The following RORA variants were observed in gnomAD, a reference collection of about 807,000 sequenced individuals.
RORA encodes RAR related orphan receptor A.
In RORA, 7 loss-of-function variants were observed where a neutral mutation model predicts 69.5. The ratio of observed to expected loss-of-function variants is 0.10; its 90% CI spans 0.06 to 0.19. RORA has a LOEUF of 0.19. RORA is among the 10% of genes least tolerant of loss of function. The pLI, the probability that RORA is intolerant of heterozygous loss-of-function variation, is 1.00. For synonymous variants in RORA, 261 were observed against 240.8 expected, an observed-to-expected ratio of 1.08 and a Z score of -0.78; for missense variants, 457 against 663.0, an observed-to-expected ratio of 0.69 and a Z score of 3.41.
At chr15:60,857,860 C>G (rs920081043) in intron 1 of RORA, among the ~76,000 whole-genome samples, 2 of 152,208 alleles carry the variant, frequency 1.3e-5, no homozygotes, top group Non-Finnish European at 1.5e-5. Flanking sequence ...TCTTACAGAT[C>G]ACAGCCAGCC....
chr15:60,763,096 T>TTTTTTTTA lies in RORA; in HGVS notation c.167-84411_167-84410insTAAAAAAA, dbSNP rs375632043. Among the ~76,000 whole-genome samples the TTTTTTTTA allele has an allele frequency of 5.5e-3, 603 of 109,374 alleles. 56 individuals carry two copies. Among genetic ancestry groups the TTTTTTTTA allele is most frequent in the Admixed American group, 0.03 (248 of 8,234 alleles). 71.8% of individuals were successfully genotyped at this position (109,374 alleles called of 152,430 possible). On this transcript the variant is annotated intron_variant, in intron 1 of 10. Coordinates refer to ENST00000335670, the MANE Select transcript of RORA (RefSeq NM_134261.3). The stretch of plus-strand genomic sequence containing the variant: ...TTTTTTTTTTTTTTTTTTTTTTTTT[T>TTTTTTTTA]AACCAACCTACCAAAGCAAAGGCAG...
intron 1 of RORA, among the ~76,000 whole-genome samples, chr15:61,144,291 G>A (rs1015553367): frequency 6.6e-6 from 1 of 152,242 alleles, no homozygotes; most frequent in African/African-American, 2.4e-5. Flanking sequence ...AGCTCGAGCT[G>A]CGATGGCCAT....
At chr15:60,837,840 G>A (rs2073138616) in intron 1 of RORA, among the ~76,000 whole-genome samples, 1 of 152,198 alleles carries the variant, frequency 6.6e-6, no homozygotes, top group Non-Finnish European at 1.5e-5. Flanking sequence ...ACACCTCTGG[G>A]AGCAATTGAG....
chr15:61,174,215 C>T (rs2079608562), intron 1 of RORA, among the ~76,000 whole-genome samples: 1 of 152,204 alleles, frequency 6.6e-6, no homozygotes, highest in Non-Finnish European at 1.5e-5. Context: ...TCTGGAAAGC[C>T]TTCTCTGCTG....
chr15:60,855,788 T>C (rs2073373493), intron 1 of RORA, among the ~76,000 whole-genome samples: 1 of 152,172 alleles, frequency 6.6e-6, no homozygotes, highest in Admixed American at 6.5e-5. Context: ...GGCTAATTTT[T>C]GTATTTTCAG....
intron 1 of RORA, among the ~76,000 whole-genome samples, chr15:60,995,726 G>A (rs1166718279): frequency 6.6e-6 from 1 of 152,172 alleles, no homozygotes; most frequent in East Asian, 1.9e-4. Flanking sequence ...TTCCCTACAA[G>A]ACAGTGAAGG....
chr15:61,106,644 C>T (rs941247315), intron 1 of RORA, among the ~76,000 whole-genome samples: 1 of 152,180 alleles, frequency 6.6e-6, no homozygotes, highest in Non-Finnish European at 1.5e-5. Flanking sequence ...GTCTATTTTT[C>T]ACACTGATTT....
At chr15:61,137,062 A>AGAAAGAAG (rs2079250061) in intron 1 of RORA, among the ~76,000 whole-genome samples, 24 of 149,670 alleles carry the variant, frequency 1.6e-4, no homozygotes, top group African/African-American at 5.3e-4. Flanking sequence ...AAAGAAAGAA[A>AGAAAGAAG]GAAAGAAAGA....
intron 1 of RORA, among the ~76,000 whole-genome samples, chr15:60,883,130 C>CAAAAAAAA (rs60074751): frequency 1.2e-4 from 5 of 43,090 alleles, no homozygotes; most frequent in African/African-American, 2.4e-4. Context: ...GACATCGTCT[C>CAAAAAAAA]AAAAAAAAAA....
Position 61,169,368 on chromosome 15 carries a change from G to A in RORA, c.166+59685C>T, listed in dbSNP as rs901374809. The stretch of plus-strand genomic sequence containing the variant: ...CTGGAGCTTGGCTCTTTGGGGTCCC[G>A]ATGATACCTCTCTGCCTGGTATCCT... On this transcript the variant is annotated intron_variant, in intron 1 of 10. Coordinates refer to ENST00000335670, the MANE Select transcript of RORA (RefSeq NM_134261.3). 4.0e-5 allele frequency among the ~76,000 whole-genome samples: 6 copies of A among 150,224 alleles called. No individual in the cohort carries two copies. In the South Asian group the frequency reaches 6.3e-4, roughly 16 times the overall value.
chr15:60,839,729 A>T (rs896989389), intron 1 of RORA, among the ~76,000 whole-genome samples: 1 of 151,964 alleles, frequency 6.6e-6, no homozygotes, highest in African/African-American at 2.4e-5. Flanking sequence ...ACGGTGAATG[A>T]CTCCCCATGG....
At chr15:61,215,587 C>T (rs1026569713) in intron 1 of RORA, among the ~76,000 whole-genome samples, 2 of 152,174 alleles carry the variant, frequency 1.3e-5, no homozygotes, top group Non-Finnish European at 2.9e-5. Context: ...ATAAGCCAAG[C>T]ATTTTTTTAT....
chr15:60,889,357 G>C (rs117946867), intron 1 of RORA, among the ~76,000 whole-genome samples: 1 of 148,560 alleles, frequency 6.7e-6, no homozygotes, highest in East Asian at 2.0e-4. Flanking sequence ...GGGCGGGGGG[G>C]GGGGGAAGGA....
At chr15:60,781,321 G>C (rs985978206) in intron 1 of RORA, among the ~76,000 whole-genome samples, 2 of 152,168 alleles carry the variant, frequency 1.3e-5, no homozygotes, top group Non-Finnish European at 1.5e-5. Context: ...TTTATGGTTA[G>C]CAGTGCCTTT....
intron 2 of RORA, among the ~76,000 whole-genome samples, chr15:60,563,190 G>GA (rs913937643): frequency 6.6e-6 from 1 of 152,052 alleles, no homozygotes; most frequent in Non-Finnish European, 1.5e-5. Context: ...CCCTGCTATT[G>GA]AAAAAAATCA....
intron 2 of RORA, among the ~76,000 whole-genome samples, chr15:60,626,076 G>T (rs759490314): frequency 6.6e-6 from 1 of 152,172 alleles, no homozygotes; most frequent in African/African-American, 2.4e-5. Flanking sequence ...AGCCCAAAGG[G>T]ACACCAGGAA....
intron 1 of RORA, among the ~76,000 whole-genome samples, chr15:61,068,640 T>C (rs1402575790): frequency 6.6e-6 from 1 of 152,212 alleles, no homozygotes; most frequent in Non-Finnish European, 1.5e-5. Context: ...AGCTGAGCTA[T>C]CCATTTAGTC....
At chr15:60,839,100 G>T (rs1285598399) in intron 1 of RORA, among the ~76,000 whole-genome samples, 2 of 151,906 alleles carry the variant, frequency 1.3e-5, no homozygotes, top group East Asian at 3.9e-4. Context: ...GGGTTTCACC[G>T]TGTTAGCCAG....
intron 1 of RORA, among the ~76,000 whole-genome samples, chr15:61,034,486 A>G (rs1401500061): frequency 2.6e-5 from 4 of 152,158 alleles, no homozygotes; most frequent in Non-Finnish European, 5.9e-5. Flanking sequence ...CCCTGTTAAA[A>G]AACCATTGAC....
Sources: gnomAD v4.1 joint callset for allele counts (sites outside exome capture counted in the v4.1 genomes callset) on GRCh38, gnomAD v4.1.1 for gene constraint, MANE v1.5 for transcripts, NCBI Gene and HGNC (gene_info 2026-07-23, HGNC 2026-07-21) for gene names.